Variants in LACTBL1 observed in about 807,000 individuals in gnomAD.
LACTBL1 encodes the protein lactamase beta like 1.
LACTBL1 carries 29 observed loss-of-function variants against 39.6 expected under a neutral mutation model. That is an observed-to-expected ratio of 0.73 (90% confidence interval 0.55 to 1.00). LACTBL1 has a LOEUF of 1.00. Ranked by LOEUF, LACTBL1 falls within the 50% of genes least tolerant of loss-of-function variation. LACTBL1 has a pLI of 0.00. For missense variants in LACTBL1, 711 were observed against 748.5 expected (o/e 0.95, Z 0.59); for synonymous variants, 361 against 360.7 (o/e 1.00, Z -0.01).
exon 5 of LACTBL1, chr1:22,955,368 G>T: frequency 3.2e-6 from 5 of 1,550,532 alleles, no homozygotes; most frequent in Non-Finnish European, 4.4e-6. Context: ...GCAGGTTCAG[G>T]GCCTCCTGGG....
chr1:22,972,580 G>T, the LACTBL1 span: 1 of 298,906 alleles, frequency 3.3e-6, no homozygotes, highest in Non-Finnish European at 4.9e-6. Context: ...AGGTGACCCG[G>T]CATCCCAGTT....
intron 4 of LACTBL1, among the ~76,000 whole-genome samples, chr1:22,957,272 T>C (rs900195633): frequency 2.6e-5 from 4 of 152,182 alleles, no homozygotes; most frequent in African/African-American, 9.7e-5. Flanking sequence ...TTGATGGACA[T>C]TTAGGTTGTT....
upstream of LACTBL1, among the ~76,000 whole-genome samples, chr1:22,969,843 G>A (rs1049480599): frequency 6.6e-6 from 1 of 152,164 alleles, no homozygotes; most frequent in African/African-American, 2.4e-5. Flanking sequence ...TACAAGGTAA[G>A]GATTCTCTCC....
chr1:22,960,706 G>A (rs749853), intron 2 of LACTBL1, among the ~76,000 whole-genome samples: 25,132 of 150,274 alleles, frequency 0.17, 2,181 homozygotes, highest in East Asian at 0.23. Context: ...GGCCTAGCCT[G>A]AACCCCTAGT....
At chr1:22,968,611 A>AT (rs1640907780), upstream of LACTBL1, among the ~76,000 whole-genome samples, 1 of 151,308 alleles carries the variant, frequency 6.6e-6, no homozygotes, top group Non-Finnish European at 1.5e-5. Context: ...TTGTGGCTTG[A>AT]TTTTCACTCT....
the LACTBL1 span, among the ~76,000 whole-genome samples, chr1:22,970,581 G>A: frequency 6.6e-6 from 1 of 152,134 alleles, no homozygotes; most frequent in African/African-American, 2.4e-5. Flanking sequence ...GCCGAGGCAG[G>A]AGGATCACTT....
chr1:22,957,301 A>G (rs1451532755), intron 4 of LACTBL1, among the ~76,000 whole-genome samples: 1 of 152,200 alleles, frequency 6.6e-6, no homozygotes, highest in Non-Finnish European at 1.5e-5. Flanking sequence ...TTGCTATTAC[A>G]AACAGTGCTG....
intron 5 of LACTBL1, among the ~76,000 whole-genome samples, chr1:22,955,077 G>C (rs975152646): frequency 6.6e-6 from 1 of 152,242 alleles, no homozygotes; most frequent in African/African-American, 2.4e-5. Context: ...GGCAAAGTAG[G>C]TGCTCAATAA....
At chr1:22,961,903 T>C (rs1046790238) in intron 2 of LACTBL1, among the ~76,000 whole-genome samples, 3 of 152,086 alleles carry the variant, frequency 2.0e-5, no homozygotes, top group African/African-American at 7.2e-5. Context: ...TATGCCACCA[T>C]GCCCGGCTGA....
intron 4 of LACTBL1, among the ~76,000 whole-genome samples, chr1:22,955,996 G>A (rs1440577161): frequency 6.6e-6 from 1 of 150,864 alleles, no homozygotes; most frequent in African/African-American, 2.4e-5. Context: ...CCTGAGAGGT[G>A]GAGGTTGCAG....
chr1:22,970,749 G>C, the LACTBL1 span, among the ~76,000 whole-genome samples: 1 of 145,732 alleles, frequency 6.9e-6, no homozygotes. Flanking sequence ...ATTAGAGGCC[G>C]TAGTGAGCTA....
At chr1:22,954,100 A>C in intron 5 of LACTBL1, 76 bp from the exon 8 acceptor site, 1 of 1,456,742 alleles carries the variant, frequency 6.9e-7, no homozygotes, top group Non-Finnish European at 9.1e-7. Flanking sequence ...CACCAGTTTC[A>C]TGGGACTGGG....
exon 6 of LACTBL1, chr1:22,953,867 G>A: frequency 2.6e-6 from 4 of 1,548,938 alleles, no homozygotes; most frequent in East Asian, 2.4e-5. Context: ...CCCGCGGCCA[G>A]GCGCGCGCGC....
chr1:22,967,437 G>A (rs895861669), upstream of LACTBL1, among the ~76,000 whole-genome samples: 1 of 151,876 alleles, frequency 6.6e-6, no homozygotes, highest in Non-Finnish European at 1.5e-5. Flanking sequence ...CCAGCTACTC[G>A]GGAGTCTGAG....
chr1:22,960,487 G>A lies in LACTBL1; in HGVS notation c.160-388C>T, dbSNP rs1480717572. Among the ~76,000 whole-genome samples the A allele has an allele frequency of 3.3e-5, 5 of 151,970 alleles. No homozygotes were observed. In the East Asian group the frequency reaches 5.8e-4, roughly 18 times the overall value. ...AAAAAATTAGCTGGGCATGGTGGCG[G>A]GCGCCTGTAATCCCAGCTACTTGGG... On this transcript the variant is annotated intron_variant, in intron 2 of 5. Transcript: ENST00000426928.
rs35006759 is a variant in LACTBL1, at chr1:22,960,617, C to CAAAAAA, written c.160-524_160-519dup. 6.8e-4 allele frequency among the ~76,000 whole-genome samples: 26 copies of CAAAAAA among 37,974 alleles called. 1 individual carries two copies. The highest frequency in any genetic ancestry group is 1.4e-3 in the African/African-American group (14 of 9,700). 24.9% of individuals were successfully genotyped at this position (37,974 alleles called of 152,430 possible). ...AGGCAGCAAGAGCGAAACTCCGTCT[C>CAAAAAA]AAAAAAAAAAAAAAAAAAAAAAAAA... On this transcript the variant is annotated intron_variant, in intron 2 of 5. Coordinates refer to ENST00000426928, the Ensembl canonical transcript of LACTBL1.
chr1:22,960,212 C>T (rs1570500461), intron 2 of LACTBL1, 113 bp from the exon 5 acceptor site: 11 of 1,301,256 alleles, frequency 8.5e-6, no homozygotes, highest in African/African-American at 1.5e-5. Context: ...CCCCAGTGAG[C>T]CTCCCAGCTA....
In LACTBL1 at chr1:22,958,869, C is replaced by T; in HGVS notation, c.369G>A (p.Trp123Ter). The change falls in exon 4 of 6, where the codon TGG (tryptophan) becomes TGA (stop). Residue 123 changes from tryptophan (W) to a stop codon, truncating the protein, a stop_gained. Coordinates refer to ENST00000426928, the Ensembl canonical transcript of LACTBL1. LOFTEE classifies it high-confidence loss of function. ...CTAGGGAGGCCACGATGCCCTCCTC[C>T]CACAGACGGTACAGCATGAGGACAG... is the stretch of plus-strand genomic sequence containing the variant. 1 of 1,550,530 alleles carries T rather than the reference C, an allele frequency of 6.4e-7. No homozygotes were observed. Among genetic ancestry groups the T allele is most frequent in the South Asian group, 1.2e-5 (1 of 84,050 alleles).
chr1:22,960,178 C>A, intron 2 of LACTBL1, 79 bp from the exon 5 acceptor site: 1 of 1,497,812 alleles, frequency 6.7e-7, no homozygotes, highest in Non-Finnish European at 9.0e-7. Context: ...CACCCTCGTC[C>A]ATAGTCACAC....
Sources: allele counts gnomAD v4.1 joint callset (sites outside exome capture counted in the v4.1 genomes callset), GRCh38; gene constraint gnomAD v4.1.1; transcripts MANE v1.5; gene names NCBI Gene and HGNC (gene_info 2026-07-23, HGNC 2026-07-21).